PHEX: variants seen among roughly 807,000 people sequenced by gnomAD.
PHEX encodes the protein phosphate regulating endopeptidase X-linked.
A neutral mutation model predicts 68.0 loss-of-function variants in PHEX; 16 were observed. That is an observed-to-expected ratio of 0.24 (90% confidence interval 0.16 to 0.36). PHEX has a LOEUF of 0.36. Ranked by LOEUF, PHEX falls within the 10% of genes least tolerant of loss-of-function variation. The pLI, the probability that PHEX is intolerant of heterozygous loss-of-function variation, is 1.00. For synonymous variants in PHEX, 208 were observed against 205.1 expected (o/e 1.01, Z -0.12); for missense variants, 480 against 575.5 (o/e 0.83, Z 1.70).
At position 22,090,200 on chromosome X, in the gene PHEX, G is replaced by T. The variant is rs187219995; in HGVS notation, c.664-229G>T. 2.6e-3 allele frequency among the ~76,000 whole-genome samples: 297 copies of T among 112,152 alleles called. 2 individuals are homozygous for T. The highest frequency in any genetic ancestry group is 9.0e-3 in the African/African-American group (279 of 30,857). On this transcript the variant is annotated intron_variant, in intron 5 of 21. Transcript: ENST00000379374. ...TTCAGTGTTGATAGGACCTCAAAAGGTTTAGAAAACATAAATTAGAAAAGC... is the reference window on the plus strand; with the variant it reads ...TTCAGTGTTGATAGGACCTCAAAAGTTTTAGAAAACATAAATTAGAAAAGC...
At chrX:22,172,177 C>G (rs947653314) in intron 13 of PHEX, 1 of 111,926 alleles carries the variant, frequency 8.9e-6, no homozygotes, top group Non-Finnish European at 1.9e-5. Context: ...CCCCCATCAA[C>G]ATGCAGGAAA....
At chrX:22,147,095 T>A (rs748208262) in intron 12 of PHEX, among the ~76,000 whole-genome samples, 2 of 111,410 alleles carry the variant, frequency 1.8e-5, no homozygotes, top group South Asian at 7.5e-4. Context: ...AGGATATTTA[T>A]TACTTTTATT....
intron 20 of PHEX, among the ~76,000 whole-genome samples, chrX:22,233,616 G>C (rs1178130266): frequency 9.0e-6 from 1 of 110,578 alleles, no homozygotes; most frequent in African/African-American, 3.3e-5. Flanking sequence ...ATTGATACTT[G>C]TGTATGCTTC....
At position 22,090,455 on chromosome X, in the gene PHEX, C is replaced by T. The variant is rs149487757; in HGVS notation, c.690C>T (p.Ala230=). ...TGGACCAAGCAACACTCTCCCTGGC[C>T]GTGAGGGAAGACTACCTTGATAACA... The part of the protein sequence containing the change: ...LKLDQATLSL[A]VREDYLDNST... Residue 230 remains alanine, a synonymous_variant, in exon 6 of 22, where the codon GCC becomes GCT. Coordinates refer to ENST00000379374, the MANE Select transcript of PHEX (RefSeq NM_000444.6). The T allele has an allele frequency of 1.1e-4, 132 of 1,207,109 alleles. 1 individual carries two copies. The highest frequency in any genetic ancestry group is 4.6e-4 in the Middle Eastern group (2 of 4,339).
chrX:22,231,902 A>G (rs1935756458), intron 20 of PHEX, among the ~76,000 whole-genome samples: 1 of 112,051 alleles, frequency 8.9e-6, no homozygotes, highest in Non-Finnish European at 1.9e-5. Flanking sequence ...TCTTGTGTGC[A>G]TTTAGTGCTA....
At chrX:22,233,578 T>A (rs1239661163) in intron 20 of PHEX, among the ~76,000 whole-genome samples, 1 of 111,199 alleles carries the variant, frequency 9.0e-6, no homozygotes, top group African/African-American at 3.3e-5. Flanking sequence ...ATCTCTGATA[T>A]CCTTTCTTCC....
At chrX:22,098,795 CAAAAAAAAAAAAAAA>C (rs746223770) in intron 8 of PHEX, among the ~76,000 whole-genome samples, 196 bp from the exon 9 acceptor site, 227 of 11,382 alleles carry the variant, frequency 0.02, 2 homozygotes, top group African/African-American at 0.046. Context: ...GAGAATGTCT[CAAAAAAAAAAAAAAA>C]AAAAAAAAAA....
intron 3 of PHEX, among the ~76,000 whole-genome samples, chrX:22,065,719 C>T (rs190741414): frequency 1.1e-3 from 122 of 111,887 alleles, no homozygotes; most frequent in Non-Finnish European, 1.3e-3. Flanking sequence ...CCACCGCGCC[C>T]GGCCGGCCCA....
At chrX:22,228,470 T>C (rs1315592054) in intron 20 of PHEX, among the ~76,000 whole-genome samples, 1 of 110,231 alleles carries the variant, frequency 9.1e-6, no homozygotes, top group Admixed American at 9.6e-5. Context: ...CACAGGATTC[T>C]TGCTTGCCTG....
chrX:22,040,689 AT>A (rs1423805501), intron 2 of PHEX, among the ~76,000 whole-genome samples: 1 of 110,962 alleles, frequency 9.0e-6, no homozygotes, highest in Non-Finnish European at 1.9e-5. Context: ...GCATAGAAGC[AT>A]GAACTTGGTG....
intron 3 of PHEX, among the ~76,000 whole-genome samples, chrX:22,068,075 T>C (rs1928692756): frequency 9.0e-6 from 1 of 110,860 alleles, no homozygotes; most frequent in South Asian, 3.8e-4. Flanking sequence ...TGACCTCAGG[T>C]GATCCGCCTG....
At position 22,131,078 on chromosome X, in the gene PHEX, C is replaced by T. The variant is rs1007604446; in HGVS notation, c.1303-2445C>T. 7.3e-5 allele frequency among the ~76,000 whole-genome samples: 8 copies of T among 110,328 alleles called. No individual in the cohort carries two copies. In the East Asian group the frequency reaches 2.2e-3, roughly 31 times the overall value. ...CTTTTGAGACTGAGTCTCGCTCTGTCACCCAGACTGGAGTGCAGTGGTGTA... is the reference window on the plus strand; with the variant it reads ...CTTTTGAGACTGAGTCTCGCTCTGTTACCCAGACTGGAGTGCAGTGGTGTA... On this transcript the variant is annotated intron_variant, in intron 11 of 21. Transcript: ENST00000379374.
chrX:22,243,789 C>T (rs1015163303), intron 20 of PHEX, among the ~76,000 whole-genome samples: 1 of 112,085 alleles, frequency 8.9e-6, no homozygotes, highest in East Asian at 2.8e-4. Flanking sequence ...ACAACAGATG[C>T]TGGAGAGAAT....
chrX:22,190,127 C>T (rs1209738247), intron 14 of PHEX, among the ~76,000 whole-genome samples: 1 of 112,405 alleles, frequency 8.9e-6, no homozygotes, highest in East Asian at 2.8e-4. Context: ...TTTGCAGGGA[C>T]AGCCCTTTAG....
At chrX:22,246,962 C>T (rs1318759674) in intron 21 of PHEX, among the ~76,000 whole-genome samples, 1 of 111,182 alleles carries the variant, frequency 9.0e-6, no homozygotes, top group Non-Finnish European at 1.9e-5. Context: ...TTACTGAGGT[C>T]TGCAGTAACT....
chrX:22,115,340 A>C (rs1005363266), intron 11 of PHEX, among the ~76,000 whole-genome samples: 1 of 112,117 alleles, frequency 8.9e-6, no homozygotes, highest in Non-Finnish European at 1.9e-5. Flanking sequence ...CAAAACAAAC[A>C]CAAAGTATAC....
Position 22,219,021 on chromosome X carries a change from G to A in PHEX, c.1701-15G>A, listed in dbSNP as rs780218439. 9.1e-7 allele frequency: 1 copy of A among 1,096,472 alleles called. No individual in the cohort carries two copies. Among genetic ancestry groups the A allele is most frequent in the Non-Finnish European group, 1.3e-6 (1 of 790,749 alleles). The allele number at this position is 1,096,472 out of a possible 1,213,427, so 90.4% of individuals were successfully genotyped here. A position where few individuals can be genotyped will look rare whatever the true frequency, so the allele number is the denominator to read the frequency against. The stretch of plus-strand genomic sequence containing the variant: ...ATGCTTGTAATTGTCTCCAAATTAT[G>A]TATTAATGCCATAGATCTCTGAGTT... On this transcript the variant is annotated splice_polypyrimidine_tract_variant and intron_variant, in intron 16 of 21. Coordinates refer to ENST00000379374, the MANE Select transcript of PHEX (RefSeq NM_000444.6).
Position 22,111,535 on chromosome X carries a change from A to G in PHEX, c.1148A>G (p.Gln383Arg). ...SRIPNLSRRFQYRWLEFSRVI... is the reference protein window; with the variant it reads ...SRIPNLSRRFRYRWLEFSRVI... ...ATTCCAAACCTTAGCAGGCGCTTTC[A>G]GTATAGATGGCTGGAATTCTCAAGG... The change falls in exon 10 of 22, where the codon CAG becomes CGG. Residue 383 changes from glutamine to arginine, a missense_variant. Transcript: ENST00000379374. 1 of 1,202,709 alleles carries G rather than the reference A, an allele frequency of 8.3e-7. No homozygotes were observed. Among genetic ancestry groups the G allele is most frequent in the South Asian group, 1.8e-5 (1 of 56,797 alleles).
intron 12 of PHEX, among the ~76,000 whole-genome samples, chrX:22,138,740 G>C (rs1398350298): frequency 1.8e-5 from 2 of 112,194 alleles, no homozygotes; most frequent in Non-Finnish European, 3.8e-5. Flanking sequence ...ACTGTCTCCT[G>C]CCCTTTCCAG....
Sources: allele counts gnomAD v4.1 joint callset (sites outside exome capture counted in the v4.1 genomes callset), GRCh38; gene constraint gnomAD v4.1.1; transcripts MANE v1.5; gene names NCBI Gene and HGNC (gene_info 2026-07-23, HGNC 2026-07-21).